The following PDE7A variants were observed in gnomAD, a reference collection of about 807,000 sequenced individuals.
PDE7A encodes high affinity 3',5'-cyclic-AMP phosphodiesterase 7A.
Under a neutral mutation model 64.3 loss-of-function variants are expected in PDE7A, and 39 were observed. The ratio of observed to expected loss-of-function variants is 0.61; its 90% CI spans 0.47 to 0.79. The LOEUF is 0.79. Ranked by LOEUF, PDE7A falls within the 30% of genes least tolerant of loss-of-function variation. PDE7A has a pLI of 0.00. For missense variants in PDE7A, 470 were observed against 582.8 expected (o/e 0.81, Z 1.99); for synonymous variants, 203 against 206.8 (o/e 0.98, Z 0.16).
chr8:65,824,485 A>G (rs62507652), intron 1 of PDE7A, among the ~76,000 whole-genome samples: 5,165 of 152,316 alleles, frequency 0.034, 129 homozygotes, highest in Non-Finnish European at 0.049. Flanking sequence ...CTGCCTGTGG[A>G]TAAAAATGCT....
rs188592342 is a variant in PDE7A, at chr8:65,782,758, T to C, written c.199+25A>G. ...CAGGTAATAACAAAATTAACTGATATTGGTATAAAATAAATAATGCTTACC... is the reference window on the plus strand; with the variant it reads ...CAGGTAATAACAAAATTAACTGATACTGGTATAAAATAAATAATGCTTACC... On this transcript the variant is annotated intron_variant, in intron 2 of 12. Coordinates refer to ENST00000401827, the MANE Select transcript of PDE7A (RefSeq NM_001242318.3). 5.9e-5 allele frequency: 78 copies of C among 1,320,128 alleles called. No homozygotes were observed. The African/African-American group carries it at 1.0e-3, about 17-fold the overall frequency. The allele number at this position is 1,320,128 out of a possible 1,614,324, so 81.8% of individuals were successfully genotyped here.
chr8:65,825,290 C>T (rs1810643897), intron 1 of PDE7A, among the ~76,000 whole-genome samples: 1 of 152,062 alleles, frequency 6.6e-6, no homozygotes, highest in Non-Finnish European at 1.5e-5. Context: ...TTTAAAGGTT[C>T]TGTTAGCAAA....
chr8:65,757,359 C>T (rs138416883), intron 3 of PDE7A, among the ~76,000 whole-genome samples: 15 of 152,292 alleles, frequency 9.8e-5, no homozygotes, highest in Non-Finnish European at 1.6e-4. Context: ...CACAGGTCAT[C>T]CCCTGGTTTT....
At chr8:65,737,773 C>G (rs571340146) in intron 6 of PDE7A, among the ~76,000 whole-genome samples, 30 of 152,320 alleles carry the variant, frequency 2.0e-4, no homozygotes, top group African/African-American at 6.7e-4. Context: ...CCTGCCTCAG[C>G]CTCCCAAAGT....
chr8:65,744,551 C>T lies in PDE7A; in HGVS notation c.499+856G>A, dbSNP rs186600709. Among the ~76,000 whole-genome samples the T allele has an allele frequency of 6.6e-3, 1,009 of 152,210 alleles. 12 individuals carry two copies. Among genetic ancestry groups the T allele is most frequent in the African/African-American group, 0.023 (968 of 41,512 alleles). ...GATTAGAATCACCTGTGGGCATTTT[C>T]CCCCAAACCACCCATACTCTGTAGA... On this transcript the variant is annotated intron_variant, in intron 5 of 12. Transcript: ENST00000401827.
At chr8:65,803,239 CCT>C (rs1810037586) in intron 1 of PDE7A, among the ~76,000 whole-genome samples, 1 of 152,192 alleles carries the variant, frequency 6.6e-6, no homozygotes, top group Non-Finnish European at 1.5e-5. Flanking sequence ...ATGATTTCTG[CCT>C]CTCTACAGAG....
intron 3 of PDE7A, among the ~76,000 whole-genome samples, chr8:65,754,403 C>G (rs1808118458): frequency 6.6e-6 from 1 of 151,854 alleles, no homozygotes; most frequent in African/African-American, 2.4e-5. Context: ...CATATACCTC[C>G]TTTCCCATTC....
At chr8:65,790,242 C>T (rs2128925821) in intron 1 of PDE7A, among the ~76,000 whole-genome samples, 1 of 152,198 alleles carries the variant, frequency 6.6e-6, no homozygotes, top group East Asian at 1.9e-4. Context: ...AGAGGCCAGG[C>T]CCTACGAGGG....
At chr8:65,825,267 A>G (rs1457894745) in intron 1 of PDE7A, among the ~76,000 whole-genome samples, 3 of 152,188 alleles carry the variant, frequency 2.0e-5, no homozygotes, top group Non-Finnish European at 4.4e-5. Flanking sequence ...TCCAAAAAAA[A>G]TTCAGGTTAC....
At chr8:65,754,291 C>T (rs1038400448) in intron 3 of PDE7A, among the ~76,000 whole-genome samples, 1 of 152,090 alleles carries the variant, frequency 6.6e-6, no homozygotes, top group Non-Finnish European at 1.5e-5. Flanking sequence ...CCAGCCCACT[C>T]GCTCAAATGT....
At chr8:65,771,884 CAA>C (rs36101490) in intron 3 of PDE7A, among the ~76,000 whole-genome samples, 4 of 55,832 alleles carry the variant, frequency 7.2e-5, no homozygotes, top group Non-Finnish European at 1.1e-4. Context: ...CTCCATCTCT[CAA>C]AAAAAAAAAA....
At chr8:65,777,437 A>AT (rs1434236158) in intron 3 of PDE7A, among the ~76,000 whole-genome samples, 4 of 152,180 alleles carry the variant, frequency 2.6e-5, no homozygotes, top group Non-Finnish European at 5.9e-5. Context: ...AACCAATCTT[A>AT]TATTCCTGGA....
intron 3 of PDE7A, among the ~76,000 whole-genome samples, chr8:65,769,327 C>T (rs1037638706): frequency 3.3e-5 from 5 of 150,418 alleles, no homozygotes; most frequent in African/African-American, 4.9e-5. Context: ...CTGCATGATA[C>T]GGCCATCTGA....
chr8:65,777,944 C>T (rs542881586), intron 3 of PDE7A, among the ~76,000 whole-genome samples: 1 of 152,284 alleles, frequency 6.6e-6, no homozygotes, highest in African/African-American at 2.4e-5. Context: ...ATGTCTTTTA[C>T]CAACTTCTAG....
At chr8:65,840,621 C>A (rs1054292063) in intron 1 of PDE7A, among the ~76,000 whole-genome samples, 16 of 152,272 alleles carry the variant, frequency 1.1e-4, no homozygotes, top group Middle Eastern at 3.4e-3. Context: ...GTCTGACAAT[C>A]AAAATTAGCC....
rs550807475 is a variant in PDE7A, at chr8:65,804,480, G to C, written c.139-21637C>G. Reference sequence around the variant, plus strand: ...GAATTGCTTATTTCAAGATTTACTGGAGAAGCTTTAAAAACCCCAAAATAA... The same window carrying C: ...GAATTGCTTATTTCAAGATTTACTGCAGAAGCTTTAAAAACCCCAAAATAA... On this transcript the variant is annotated intron_variant, in intron 1 of 12. Coordinates refer to ENST00000401827, the MANE Select transcript of PDE7A (RefSeq NM_001242318.3). Among the ~76,000 whole-genome samples the C allele has an allele frequency of 3.0e-4, 46 of 151,232 alleles. 1 individual carries two copies. In the South Asian group the frequency reaches 7.7e-3, roughly 25 times the overall value.
At chr8:65,766,118 G>GT (rs1208848773) in intron 3 of PDE7A, among the ~76,000 whole-genome samples, 1 of 152,004 alleles carries the variant, frequency 6.6e-6, no homozygotes, top group African/African-American at 2.4e-5. Flanking sequence ...GCTAATTTTT[G>GT]TATTTTTAGT....
intron 5 of PDE7A, among the ~76,000 whole-genome samples, chr8:65,744,711 AAAAAAT>A (rs1264767547): frequency 3.9e-5 from 6 of 152,230 alleles, no homozygotes; most frequent in Non-Finnish European, 8.8e-5. Flanking sequence ...AAAAGAAACC[AAAAAAT>A]AAAAATAAAA....
At chr8:65,757,323 A>G (rs1217113819) in intron 3 of PDE7A, among the ~76,000 whole-genome samples, 2 of 152,268 alleles carry the variant, frequency 1.3e-5, no homozygotes, top group Admixed American at 1.3e-4. Context: ...GTTACAAGCC[A>G]GGAATTGTGG....
Sources: allele counts gnomAD v4.1 joint callset (sites outside exome capture counted in the v4.1 genomes callset), GRCh38; gene constraint gnomAD v4.1.1; transcripts MANE v1.5; gene names NCBI Gene and HGNC (gene_info 2026-07-23, HGNC 2026-07-21).